The following MDN1 variants were observed in gnomAD, a reference collection of about 807,000 sequenced individuals.
MDN1 encodes midasin.
A neutral mutation model predicts 669.2 loss-of-function variants in MDN1; 266 were observed. The ratio of observed to expected loss-of-function variants is 0.40; its 90% CI spans 0.36 to 0.44. MDN1 has a LOEUF of 0.44. Among genes scored for constraint, MDN1 ranks in the 20% least tolerant of loss-of-function variants. The pLI, the probability that MDN1 is intolerant of heterozygous loss-of-function variation, is 1.00. For missense variants in MDN1, 5,940 were observed against 6,754.0 expected, an observed-to-expected ratio of 0.88 and a Z score of 4.22; for synonymous variants, 2,385 against 2,457.1, an observed-to-expected ratio of 0.97 and a Z score of 0.87.
chr6:89,705,263 G>T lies in MDN1; in HGVS notation c.8148+796C>A, dbSNP rs191224864. ...ACTGTATTTTTAAGCAAATTTATGG[G>T]TTTTTTTTATGTTTTTCAGATTCAG... On this transcript the variant is annotated intron_variant, in intron 53 of 101. Transcript: ENST00000369393. 7.3e-3 allele frequency among the ~76,000 whole-genome samples: 1,113 copies of T among 151,920 alleles called. 4 individuals carry two copies. The highest frequency in any genetic ancestry group is 0.013 in the Non-Finnish European group (851 of 67,954).
rs1376171559 is a variant in MDN1 at position 89,690,193 on chromosome 6, C to T, written c.10750-50G>A. The T allele has an allele frequency of 3.8e-6, 6 of 1,560,072 alleles. No homozygotes were observed. In the Admixed American group the frequency reaches 9.0e-5, roughly 23 times the overall value. On this transcript the variant is annotated intron_variant, in intron 64 of 101. Coordinates refer to ENST00000369393, the MANE Select transcript of MDN1 (RefSeq NM_014611.3). ...AACTTTTAAAAATCAGAATCTACTT[C>T]TAATCAGACTAAAAGGAAGAAAGAA... is the stretch of plus-strand genomic sequence containing the variant.
chr6:89,794,214 A>G lies in MDN1; in HGVS notation c.555-7T>C. On this transcript the variant is annotated splice_region_variant and splice_polypyrimidine_tract_variant and intron_variant, in intron 3 of 101. Transcript: ENST00000369393. ...AAGACAATTGGCTGTATACCTAGGGAAAAAGAAAGTATGTAAATTCAGTTT... is the reference window on the plus strand; with the variant it reads ...AAGACAATTGGCTGTATACCTAGGGGAAAAGAAAGTATGTAAATTCAGTTT... The G allele has an allele frequency of 6.7e-7, 1 of 1,486,200 alleles. No individual in the cohort carries two copies. The highest frequency in any genetic ancestry group is 9.2e-7 in the Non-Finnish European group (1 of 1,088,470). 92.1% of individuals were successfully genotyped at this position (1,486,200 alleles called of 1,614,324 possible).
At chr6:89,799,670 C>T (rs72919948) in intron 2 of MDN1, among the ~76,000 whole-genome samples, 15,196 of 152,024 alleles carry the variant, frequency 0.1, 979 homozygotes, top group South Asian at 0.16. Flanking sequence ...ATAACAAGAA[C>T]GAAATTCCAT....
At chr6:89,723,267 A>C in intron 39 of MDN1, 124 bp from the exon 40 acceptor site, 1 of 1,000,526 alleles carries the variant, frequency 1.0e-6, no homozygotes, top group African/African-American at 1.6e-5. Context: ...CTTGATTCAG[A>C]GCCTCTTTCT....
chr6:89,804,060 G>A (rs1198947484), intron 1 of MDN1, among the ~76,000 whole-genome samples: 2 of 151,282 alleles, frequency 1.3e-5, no homozygotes, highest in East Asian at 1.9e-4. Context: ...ACCACACCAG[G>A]CTAATTTTTG....
chr6:89,749,461 G>T, intron 25 of MDN1, 82 bp downstream of exon 25: 1 of 1,593,544 alleles, frequency 6.3e-7, no homozygotes. Context: ...TAAAGGAGAA[G>T]TAAAAACATT....
chr6:89,655,903 C>T lies in MDN1; in HGVS notation c.15351G>A (p.Val5117=). Residue 5117 remains valine (V), a synonymous_variant, in exon 92 of 102, where the codon GTG becomes GTA. Coordinates refer to ENST00000369393, the MANE Select transcript of MDN1 (RefSeq NM_014611.3). ...ERSMGDHNER[V]HKRLRTVDTD... Reference sequence around the variant, plus strand: ...TATCCACAGTCCTCAGCCTCTTGTGCACACGCTCATTGTGATCACCCATGG... The same window carrying T: ...TATCCACAGTCCTCAGCCTCTTGTGTACACGCTCATTGTGATCACCCATGG... The T allele has an allele frequency of 1.9e-6, 3 of 1,614,138 alleles. No homozygotes were observed. Among genetic ancestry groups the T allele is most frequent in the Middle Eastern group, 1.7e-4 (1 of 6,060 alleles).
intron 5 of MDN1, among the ~76,000 whole-genome samples, chr6:89,792,654 T>C (rs1367634597): frequency 6.6e-6 from 1 of 151,086 alleles, no homozygotes; most frequent in Non-Finnish European, 1.5e-5. Flanking sequence ...TGCATTTTCC[T>C]ATATGTATAT....
chr6:89,764,909 G>A (rs1817732369), intron 15 of MDN1, among the ~76,000 whole-genome samples: 1 of 152,188 alleles, frequency 6.6e-6, no homozygotes. Flanking sequence ...AGGAACCTGA[G>A]GAAGAGAGTG....
At chr6:89,803,671 T>A in intron 1 of MDN1, 117 bp from the exon 2 acceptor site, 2 of 753,126 alleles carry the variant, frequency 2.7e-6, no homozygotes, top group Non-Finnish European at 4.3e-6. Flanking sequence ...AAGCTCCACC[T>A]CCCGGGTTCA....
intron 43 of MDN1, 117 bp downstream of exon 43, chr6:89,718,249 A>C: frequency 1.7e-6 from 2 of 1,171,870 alleles, no homozygotes; most frequent in Non-Finnish European, 2.4e-6. Context: ...CTTTCCCACA[A>C]GTTCTGATTG....
intron 15 of MDN1, among the ~76,000 whole-genome samples, chr6:89,768,760 A>G (rs1056150416): frequency 6.6e-6 from 1 of 152,096 alleles, no homozygotes; most frequent in Admixed American, 6.6e-5. Flanking sequence ...AGTTAAAATT[A>G]AATAAATAAA....
chr6:89,643,384 TC>T lies in MDN1; in HGVS notation c.*620del, dbSNP rs1337992435. The T allele has an allele frequency of 2.0e-5, 3 of 152,132 alleles. No homozygotes were observed. The highest frequency in any genetic ancestry group is 7.2e-5 in the African/African-American group (3 of 41,418). 9.4% of individuals were successfully genotyped at this position (152,132 alleles called of 1,614,324 possible). A position where few individuals can be genotyped will look rare whatever the true frequency, so the allele number is the denominator to read the frequency against. ...ACTTCATTTTTACACAGCCCAAGGA[TC>T]GTTTTTATAGATGACCTGGGCACCT... is the stretch of plus-strand genomic sequence containing the variant. On this transcript the variant is annotated 3_prime_UTR_variant, in exon 102 of 102. Coordinates refer to ENST00000369393, the MANE Select transcript of MDN1 (RefSeq NM_014611.3).
In MDN1 at chr6:89,745,496, C is replaced by A; in HGVS notation, c.4035G>T (p.Leu1345Phe). The A allele has an allele frequency of 6.2e-7, 1 of 1,614,036 alleles. No individual in the cohort carries two copies. Among genetic ancestry groups the A allele is most frequent in the Non-Finnish European group, 8.5e-7 (1 of 1,179,954 alleles). The stretch of plus-strand genomic sequence containing the variant: ...TAGGGATTTTGGCCTACTCACCCAG[C>A]AATTTTAGAACATTTTCTTTGGAGA... ...SLFSKENVLKLLGKLSTQIST... is the reference protein window; with the variant it reads ...SLFSKENVLKFLGKLSTQIST... Residue 1345 changes from leucine to phenylalanine, a missense_variant, in exon 28 of 102, where the codon TTG becomes TTT. Leu to Phe is a conservative substitution (Grantham distance 22). Transcript: ENST00000369393.
chr6:89,694,028 G>A, intron 62 of MDN1, 46 bp downstream of exon 62: 1 of 1,460,066 alleles, frequency 6.8e-7, no homozygotes, highest in Non-Finnish European at 9.6e-7. Flanking sequence ...TACATCAAAA[G>A]GAGAGTCAAT....
chr6:89,812,134 C>T (rs1001251095), intron 1 of MDN1, among the ~76,000 whole-genome samples: 3 of 151,526 alleles, frequency 2.0e-5, no homozygotes, highest in East Asian at 2.0e-4. Context: ...TACAGGCATG[C>T]GCCACCACAC....
rs1167222715 is a variant in MDN1 at position 89,734,688 on chromosome 6, A to ACG, written c.4724-1914_4724-1913insCG. 6.5e-3 allele frequency among the ~76,000 whole-genome samples: 634 copies of ACG among 98,224 alleles called. 40 individuals are homozygous for ACG. The highest frequency in any genetic ancestry group is 0.029 in the Admixed American group (276 of 9,530). 64.4% of individuals were successfully genotyped at this position (98,224 alleles called of 152,430 possible). ...GGAAGAAGAAAAAAAAAAAAAAAAAAACAAGAGAGAGAGAGAGAGAGAGAG... is the reference window on the plus strand; with the variant it reads ...GGAAGAAGAAAAAAAAAAAAAAAAAACGACAAGAGAGAGAGAGAGAGAGAGAG... On this transcript the variant is annotated intron_variant, in intron 33 of 101. Coordinates refer to ENST00000369393, the MANE Select transcript of MDN1 (RefSeq NM_014611.3).
chr6:89,789,098 G>A (rs185478505), intron 7 of MDN1, among the ~76,000 whole-genome samples: 2 of 151,334 alleles, frequency 1.3e-5, no homozygotes, highest in Non-Finnish European at 2.9e-5. Flanking sequence ...CACTCCAGCC[G>A]GGTCAACAGA....
chr6:89,750,237 C>A, intron 24 of MDN1, 117 bp downstream of exon 24: 1 of 1,041,518 alleles, frequency 9.6e-7, no homozygotes, highest in East Asian at 2.4e-5. Flanking sequence ...TCAAGAAAAG[C>A]CGGCTGTTAC....
Sources: allele counts gnomAD v4.1 joint callset (sites outside exome capture counted in the v4.1 genomes callset), GRCh38; gene constraint gnomAD v4.1.1; transcripts MANE v1.5; gene names NCBI Gene and HGNC (gene_info 2026-07-23, HGNC 2026-07-21).